Variants in SLIT2 observed in about 807,000 individuals in gnomAD.
SLIT2 encodes the protein slit homolog 2 protein.
Under a neutral mutation model 185.7 loss-of-function variants are expected in SLIT2, and 41 were observed. That is an observed-to-expected ratio of 0.22 (90% CI 0.17 to 0.29). SLIT2 has a LOEUF of 0.29. SLIT2 is among the 10% of genes least tolerant of loss of function. The pLI, the probability that SLIT2 is intolerant of heterozygous loss-of-function variation, is 1.00. For missense variants in SLIT2, 1,571 were observed against 1,909.0 expected, an observed-to-expected ratio of 0.82 and a Z score of 3.30; for synonymous variants, 693 against 680.2, an observed-to-expected ratio of 1.02 and a Z score of -0.29.
At chr4:20,392,077 A>G (rs186666708) in intron 4 of SLIT2, 2 of 152,142 alleles carry the variant, frequency 1.3e-5, no homozygotes, top group East Asian at 3.9e-4. Flanking sequence ...AACGATGGAG[A>G]TACATTCTGA....
chr4:20,569,028 G>A, intron 29 of SLIT2, 24 bp downstream of exon 29: 1 of 1,605,716 alleles, frequency 6.2e-7, no homozygotes, highest in Non-Finnish European at 8.5e-7. Context: ...GAAATATTTT[G>A]CCTTCCATCA....
intron 5 of SLIT2, among the ~76,000 whole-genome samples, chr4:20,469,589 G>T (rs1004856164): frequency 1.3e-5 from 2 of 151,840 alleles, no homozygotes; most frequent in Non-Finnish European, 1.5e-5. Context: ...TTTTTTCTCA[G>T]AATTTAAAGA....
chr4:20,289,968 G>C (rs754807825), intron 4 of SLIT2, among the ~76,000 whole-genome samples: 1 of 152,178 alleles, frequency 6.6e-6, no homozygotes, highest in Non-Finnish European at 1.5e-5. Context: ...AGCTGCACAG[G>C]CATATGCAGT....
At chr4:20,598,172 T>C (rs989806334) in intron 32 of SLIT2, 93 bp from the exon 33 acceptor site, 13 of 1,215,582 alleles carry the variant, frequency 1.1e-5, no homozygotes, top group Admixed American at 9.1e-5. Context: ...TAAACCATAG[T>C]AAAACCTGTT....
rs772377259 is a variant in SLIT2, at chr4:20,488,945, T to A, written c.738T>A (p.Asn246Lys). The change falls in exon 8 of 37, where the codon AAT becomes AAA. Residue 246 changes from asparagine to lysine, a missense_variant. Around this residue, in one of 3 missense-constraint regions of SLIT2, gnomAD observed 1,202 missense variants for 1,416.4 expected, o/e 0.85. Transcript: ENST00000504154. ...CMGPSHLRGH[N>K]VAEVQKREFV... The stretch of plus-strand genomic sequence containing the variant: ...GCCCCTCCCACCTGAGAGGCCATAA[T>A]GTAGCCGAGGTTCAAAAACGAGAAT... The A allele has an allele frequency of 6.2e-7, 1 of 1,611,612 alleles. No individual in the cohort carries two copies. Among genetic ancestry groups the A allele is most frequent in the Admixed American group, 1.7e-5 (1 of 59,984 alleles).
chr4:20,606,310 A>G (rs563318533), intron 33 of SLIT2, among the ~76,000 whole-genome samples: 2 of 152,174 alleles, frequency 1.3e-5, no homozygotes, highest in South Asian at 2.1e-4. Context: ...GCAATACCCT[A>G]TCTCTACAGA....
intron 21 of SLIT2, among the ~76,000 whole-genome samples, chr4:20,544,945 T>C (rs888412064): frequency 3.3e-5 from 5 of 152,036 alleles, no homozygotes; most frequent in Admixed American, 3.3e-4. Context: ...AGAAGAAATA[T>C]CAAGTCAGAA....
chr4:20,309,758 C>CTTTTT (rs1553876753), intron 4 of SLIT2, among the ~76,000 whole-genome samples: 9 of 27,958 alleles, frequency 3.2e-4, no homozygotes, highest in Non-Finnish European at 3.7e-4. Flanking sequence ...GTCTTTCTTT[C>CTTTTT]TTTTTTTTTT....
chr4:20,511,592 T>TTTTTTTTTTTTTTA (rs1553915372), intron 11 of SLIT2, among the ~76,000 whole-genome samples: 1 of 133,438 alleles, frequency 7.5e-6, no homozygotes, highest in Non-Finnish European at 1.6e-5. Context: ...AGCTAATTTT[T>TTTTTTTTTTTTTTA]TTTTTTTTTT....
chr4:20,535,065 C>G (rs1403204095), intron 18 of SLIT2, among the ~76,000 whole-genome samples: 1 of 152,036 alleles, frequency 6.6e-6, no homozygotes, highest in African/African-American at 2.4e-5. Context: ...CTTTGGGAGG[C>G]CAAGGTGGGC....
At chr4:20,523,970 C>A (rs2148849334) in intron 13 of SLIT2, 44 bp from the exon 14 acceptor site, 1 of 1,611,718 alleles carries the variant, frequency 6.2e-7, no homozygotes, top group Non-Finnish European at 8.5e-7. Context: ...GAGCTGAGTC[C>A]ATTGCAAGTC....
chr4:20,448,623 A>C lies in SLIT2; in HGVS notation c.396-19129A>C, dbSNP rs576350258. Among the ~76,000 whole-genome samples, 28 of 151,938 alleles carry C rather than the reference A, an allele frequency of 1.8e-4. 1 individual carries two copies. In the South Asian group the frequency reaches 5.6e-3, roughly 30 times the overall value. On this transcript the variant is annotated intron_variant, in intron 4 of 36. Transcript: ENST00000504154. The stretch of plus-strand genomic sequence containing the variant: ...GGCATGAGCCACTGCAGCTGGCCCC[A>C]AAGTATTATTATTATTTATTTATTT...
chr4:20,519,240 A>G, intron 11 of SLIT2, 142 bp from the exon 12 acceptor site: 1 of 629,160 alleles, frequency 1.6e-6, no homozygotes, highest in Non-Finnish European at 2.8e-6. Flanking sequence ...ACATTTGCAA[A>G]TGGAGTTTGT....
At position 20,475,805 on chromosome 4, in the gene SLIT2, TGTTAA is replaced by T. The variant is rs33977149; in HGVS notation, c.468-4910_468-4906del. Among the ~76,000 whole-genome samples, 793 of 152,270 alleles carry T rather than the reference TGTTAA, an allele frequency of 5.2e-3. 9 individuals are homozygous for T. Among genetic ancestry groups the T allele is most frequent in the African/African-American group, 0.018 (753 of 41,550 alleles). ...ATGTAGTTGTCCTTCCCTCAATTGA[TGTTAA>T]AGCAGGTTCCCTCCCCATCTCTACT... On this transcript the variant is annotated intron_variant, in intron 5 of 36. Coordinates refer to ENST00000504154, the MANE Select transcript of SLIT2 (RefSeq NM_004787.4).
At chr4:20,364,217 T>C in intron 4 of SLIT2, 1 of 966,382 alleles carries the variant, frequency 1.0e-6, no homozygotes, top group Non-Finnish European at 1.2e-6. Flanking sequence ...CTGTGGAGTG[T>C]TTGGAAATGG....
intron 3 of SLIT2, among the ~76,000 whole-genome samples, chr4:20,258,161 C>T (rs954102072): frequency 4.0e-5 from 6 of 151,814 alleles, no homozygotes; most frequent in African/African-American, 1.2e-4. Context: ...TTTCCTGAGA[C>T]ATGTATTTCC....
At chr4:20,376,115 CTT>C (rs71653881) in intron 4 of SLIT2, among the ~76,000 whole-genome samples, 4,212 of 79,618 alleles carry the variant, frequency 0.053, 175 homozygotes, top group East Asian at 0.17. Flanking sequence ...CATTGTTTAA[CTT>C]TTTTTTTTTT....
At chr4:20,573,284 A>G (rs1351292468) in intron 29 of SLIT2, 2 of 702,840 alleles carry the variant, frequency 2.8e-6, no homozygotes, top group Non-Finnish European at 5.2e-6. Flanking sequence ...TAAGTCTATT[A>G]TGATTTTCAT....
intron 4 of SLIT2, among the ~76,000 whole-genome samples, chr4:20,398,746 A>C (rs187104469): frequency 6.6e-6 from 1 of 151,710 alleles, no homozygotes; most frequent in African/African-American, 2.4e-5. Context: ...TCATTTGCTT[A>C]TGTGTGGATT....
Sources: allele counts gnomAD v4.1 joint callset (sites outside exome capture counted in the v4.1 genomes callset), GRCh38; gene constraint gnomAD v4.1.1; regional missense constraint gnomAD v4.1.1; transcripts MANE v1.5; gene names NCBI Gene and HGNC (gene_info 2026-07-23, HGNC 2026-07-21).